Variants in CNTNAP2 observed in about 807,000 individuals in gnomAD.
CNTNAP2 encodes contactin associated protein 2, also known as contactin-associated protein-like 2.
CNTNAP2 carries 98 observed loss-of-function variants against 155.2 expected under a neutral mutation model. The ratio of observed to expected loss-of-function variants is 0.63; its 90% CI spans 0.54 to 0.75. CNTNAP2 has a LOEUF of 0.75. CNTNAP2 is among the 30% of genes least tolerant of loss of function. CNTNAP2 has a pLI of 0.00. For synonymous variants in CNTNAP2, 651 were observed against 631.2 expected, an observed-to-expected ratio of 1.03 and a Z score of -0.47; for missense variants, 1,727 against 1,688.1, an observed-to-expected ratio of 1.02 and a Z score of -0.40.
chr7:146,409,002 A>G (rs1280015108), intron 1 of CNTNAP2, among the ~76,000 whole-genome samples: 2 of 152,146 alleles, frequency 1.3e-5, no homozygotes, highest in Non-Finnish European at 2.9e-5. Context: ...GACTATATAT[A>G]TAATAATCTC....
chr7:147,803,322 A>G (rs1055515201), intron 13 of CNTNAP2, among the ~76,000 whole-genome samples: 15 of 152,214 alleles, frequency 9.9e-5, no homozygotes, highest in African/African-American at 3.4e-4. Context: ...GACAGGGTCC[A>G]TGAAGCGCAA....
chr7:147,554,349 A>G (rs1799909211), intron 11 of CNTNAP2, among the ~76,000 whole-genome samples: 2 of 152,136 alleles, frequency 1.3e-5, no homozygotes, highest in South Asian at 4.2e-4. Context: ...TGGTTTTGTG[A>G]CTGGCATTGC....
At chr7:146,218,858 T>A (rs902138991) in intron 1 of CNTNAP2, among the ~76,000 whole-genome samples, 1 of 152,156 alleles carries the variant, frequency 6.6e-6, no homozygotes, top group Non-Finnish European at 1.5e-5. Flanking sequence ...GAAAGAGCCC[T>A]GATGGAACTG....
intron 8 of CNTNAP2, among the ~76,000 whole-genome samples, chr7:147,137,857 G>T (rs1011312966): frequency 7.5e-5 from 11 of 147,128 alleles, no homozygotes; most frequent in Non-Finnish European, 1.5e-4. Context: ...TAAATGATTG[G>T]AAAATAGATA....
intron 15 of CNTNAP2, among the ~76,000 whole-genome samples, chr7:148,064,464 G>C (rs539065726): frequency 4.6e-5 from 7 of 151,942 alleles, no homozygotes; most frequent in Non-Finnish European, 1.0e-4. Context: ...AATCAGTAAA[G>C]AGGAAGTCAA....
rs74673483 is a variant in CNTNAP2, at chr7:146,687,126, C to T, written c.98-87145C>T. ...TTCAGAGAAAATTTTCATTTCTCAA[C>T]GGTTAAATGTCTCTACAATTCAGTA... On this transcript the variant is annotated intron_variant, in intron 1 of 23. Coordinates refer to ENST00000361727, the MANE Select transcript of CNTNAP2 (RefSeq NM_014141.6). Among the ~76,000 whole-genome samples the T allele has an allele frequency of 3.7e-3, 565 of 152,176 alleles. 4 individuals carry two copies. Among genetic ancestry groups the T allele is most frequent in the African/African-American group, 0.013 (525 of 41,520 alleles).
Position 146,927,718 on chromosome 7 carries a change from C to G in CNTNAP2, c.402+87814C>G, listed in dbSNP as rs1796636473. Among the ~76,000 whole-genome samples the G allele has an allele frequency of 2.6e-5, 4 of 151,774 alleles. No individual in the cohort carries two copies. In the South Asian group the frequency reaches 8.3e-4, roughly 31 times the overall value. ...AAAAACATCATTACTTTTCTTGGTC[C>G]TAACCCTGATCACCAGTCTCTGGAA... On this transcript the variant is annotated intron_variant, in intron 3 of 23. Coordinates refer to ENST00000361727, the MANE Select transcript of CNTNAP2 (RefSeq NM_014141.6).
At chr7:146,683,405 A>G (rs1290219822) in intron 1 of CNTNAP2, among the ~76,000 whole-genome samples, 1 of 152,182 alleles carries the variant, frequency 6.6e-6, no homozygotes, top group Non-Finnish European at 1.5e-5. Flanking sequence ...TTTCCTCAAT[A>G]AAAGTGTCAA....
chr7:148,159,232 T>C (rs1211673990), intron 17 of CNTNAP2, among the ~76,000 whole-genome samples: 1 of 152,184 alleles, frequency 6.6e-6, no homozygotes, highest in Non-Finnish European at 1.5e-5. Flanking sequence ...TTTAATTTCA[T>C]TTTATTACGT....
intron 1 of CNTNAP2, among the ~76,000 whole-genome samples, chr7:146,391,213 T>C (rs1584902959): frequency 6.6e-6 from 1 of 151,304 alleles, no homozygotes; most frequent in African/African-American, 2.4e-5. Context: ...GCCTGCTTCT[T>C]GATTGATCCT....
intron 13 of CNTNAP2, among the ~76,000 whole-genome samples, chr7:147,653,577 G>C (rs1311119111): frequency 3.3e-5 from 5 of 152,182 alleles, no homozygotes; most frequent in Non-Finnish European, 7.3e-5. Context: ...TTGTAAGTAG[G>C]AGGGAGAGCA....
At chr7:146,682,151 A>G (rs1800515699) in intron 1 of CNTNAP2, among the ~76,000 whole-genome samples, 1 of 152,062 alleles carries the variant, frequency 6.6e-6, no homozygotes, top group Non-Finnish European at 1.5e-5. Context: ...TCATCTTATA[A>G]ATTCTTTGTA....
At chr7:148,253,161 G>A (rs768980972) in intron 20 of CNTNAP2, among the ~76,000 whole-genome samples, 18 of 152,150 alleles carry the variant, frequency 1.2e-4, no homozygotes, top group South Asian at 6.2e-4. Flanking sequence ...CCTTCACAAC[G>A]TATCTTCCAT....
At chr7:147,784,456 A>T (rs1584953430) in intron 13 of CNTNAP2, among the ~76,000 whole-genome samples, 2 of 112,574 alleles carry the variant, frequency 1.8e-5, no homozygotes, top group Admixed American at 9.2e-5. Flanking sequence ...CAGGTTTCTC[A>T]GACATACACA....
intron 11 of CNTNAP2, among the ~76,000 whole-genome samples, chr7:147,553,736 C>T (rs1799896684): frequency 6.6e-6 from 1 of 151,910 alleles, no homozygotes; most frequent in Admixed American, 6.6e-5. Flanking sequence ...GCCTGTAATC[C>T]CAGCACTTTG....
At chr7:148,115,925 G>A (rs1400392888) in intron 15 of CNTNAP2, among the ~76,000 whole-genome samples, 1 of 151,946 alleles carries the variant, frequency 6.6e-6, no homozygotes, top group Non-Finnish European at 1.5e-5. Flanking sequence ...GATCACTTGA[G>A]GTCAGGAGTT....
At chr7:148,330,292 G>T (rs2116555341) in intron 21 of CNTNAP2, among the ~76,000 whole-genome samples, 1 of 150,806 alleles carries the variant, frequency 6.6e-6, no homozygotes, top group Non-Finnish European at 1.5e-5. Flanking sequence ...TGGAGTGGAT[G>T]GATGGAGCAG....
chr7:146,270,922 C>A lies in CNTNAP2; in HGVS notation c.97+153949C>A, dbSNP rs528912678. ...TCTTGAATACCTAATATGTACAAGA[C>A]CCCATCCCAGAAAACTATATAGAGT... On this transcript the variant is annotated intron_variant, in intron 1 of 23. Transcript: ENST00000361727. Among the ~76,000 whole-genome samples the A allele has an allele frequency of 3.9e-4, 60 of 152,138 alleles. No individual in the cohort carries two copies. The South Asian group carries it at 0.012, about 30-fold the overall frequency.
At chr7:146,649,197 ATGAC>A (rs1799864990) in intron 1 of CNTNAP2, among the ~76,000 whole-genome samples, 1 of 152,074 alleles carries the variant, frequency 6.6e-6, no homozygotes, top group African/African-American at 2.4e-5. Flanking sequence ...TATATATTGA[ATGAC>A]TGCTATTTTC....
Sources: gnomAD v4.1 joint callset for allele counts (sites outside exome capture counted in the v4.1 genomes callset) on GRCh38, gnomAD v4.1.1 for gene constraint, MANE v1.5 for transcripts, NCBI Gene and HGNC (gene_info 2026-07-23, HGNC 2026-07-21) for gene names.